Variants in RBFOX1 observed in about 807,000 individuals in gnomAD.
RBFOX1 encodes the protein RNA binding protein fox-1 homolog 1.
In RBFOX1, 8 loss-of-function variants were observed where a neutral mutation model predicts 57.7. The ratio of observed to expected loss-of-function variants is 0.14; its 90% CI spans 0.08 to 0.25. The LOEUF (loss-of-function observed/expected upper bound fraction) is 0.25, where lower values mean the gene tolerates loss of function less well. RBFOX1 is among the 10% of genes least tolerant of loss of function. RBFOX1 has a pLI of 1.00. For missense variants in RBFOX1, 611 were observed against 548.5 expected (o/e 1.11, Z -1.14); for synonymous variants, 326 against 222.4 (o/e 1.47, Z -4.15).
chr16:6,734,978 AT>A lies in RBFOX1; in HGVS notation c.-16+80337del, dbSNP rs980303718. On this transcript the variant is annotated intron_variant, in intron 3 of 15. Coordinates refer to ENST00000550418, the MANE Select transcript of RBFOX1 (RefSeq NM_018723.4). ...AACACAGTGAGACTGTGTTTCTATA[AT>A]TTTTTTTTAAAGTAGCCTGTTGTGG... 3.1e-4 allele frequency among the ~76,000 whole-genome samples: 47 copies of A among 151,872 alleles called. 2 individuals are homozygous for A. In the South Asian group the frequency reaches 9.0e-3, roughly 29 times the overall value.
At chr16:6,992,930 C>A (rs929406237) in intron 3 of RBFOX1, among the ~76,000 whole-genome samples, 2 of 151,636 alleles carry the variant, frequency 1.3e-5, no homozygotes, top group Non-Finnish European at 2.9e-5. Context: ...TAATGGATTT[C>A]ATTGTAGAAT....
chr16:7,080,215 G>A (rs1253366046), intron 4 of RBFOX1, among the ~76,000 whole-genome samples: 1 of 151,962 alleles, frequency 6.6e-6, no homozygotes, highest in Non-Finnish European at 1.5e-5. Context: ...GGAGTCACAA[G>A]AAGGGTTGAA....
chr16:5,971,409 C>G (rs999109881), intron 4 of RBFOX1, among the ~76,000 whole-genome samples: 1 of 152,234 alleles, frequency 6.6e-6, no homozygotes, highest in East Asian at 1.9e-4. Flanking sequence ...GACCATAGAT[C>G]TCAGGAGGTT....
intron 4 of RBFOX1, among the ~76,000 whole-genome samples, chr16:7,154,696 TGTGTG>T (rs2076748999): frequency 1.1e-3 from 76 of 69,082 alleles, no homozygotes; most frequent in African/African-American, 2.6e-3. Context: ...TGTGTGTGTG[TGTGTG>T]TGTGTGTGTG....
chr16:6,448,998 T>A (rs555362475), intron 2 of RBFOX1, among the ~76,000 whole-genome samples: 92 of 152,294 alleles, frequency 6.0e-4, no homozygotes, highest in Admixed American at 9.8e-4. Flanking sequence ...TATATAAACC[T>A]ACATTGAAAA....
chr16:6,447,280 G>C (rs1006722140), intron 2 of RBFOX1, among the ~76,000 whole-genome samples: 1 of 152,110 alleles, frequency 6.6e-6, no homozygotes, highest in African/African-American at 2.4e-5. Context: ...TGTGGCCATC[G>C]GTGAAAGGGA....
At chr16:6,085,954 A>G (rs751300776) in intron 1 of RBFOX1, among the ~76,000 whole-genome samples, 1 of 152,098 alleles carries the variant, frequency 6.6e-6, no homozygotes, top group Non-Finnish European at 1.5e-5. Flanking sequence ...TGCATTAGCC[A>G]TTTATCCTGA....
chr16:5,300,922 GC>G (rs2151197390), intron 1 of RBFOX1, among the ~76,000 whole-genome samples: 1 of 152,224 alleles, frequency 6.6e-6, no homozygotes, highest in South Asian at 2.1e-4. Context: ...CTTTCTGTCT[GC>G]CTGTCTGTCT....
chr16:6,746,987 C>G (rs1016717585), intron 3 of RBFOX1, among the ~76,000 whole-genome samples: 1 of 152,150 alleles, frequency 6.6e-6, no homozygotes, highest in Non-Finnish European at 1.5e-5. Context: ...AGCTATACTA[C>G]TGTGCAGATA....
chr16:5,624,032 G>A (rs2151288239), intron 3 of RBFOX1, among the ~76,000 whole-genome samples: 1 of 152,320 alleles, frequency 6.6e-6, no homozygotes, highest in East Asian at 1.9e-4. Context: ...ACAGAACTGA[G>A]AAGAGCAGGG....
chr16:7,005,736 A>G (rs918349855), intron 3 of RBFOX1, among the ~76,000 whole-genome samples: 2 of 152,196 alleles, frequency 1.3e-5, no homozygotes, highest in Non-Finnish European at 2.9e-5. Context: ...CCGCTAGGTG[A>G]TCATGTCTGA....
chr16:5,832,841 T>G (rs551715145), intron 3 of RBFOX1, among the ~76,000 whole-genome samples: 3 of 151,934 alleles, frequency 2.0e-5, no homozygotes, highest in Non-Finnish European at 4.4e-5. Flanking sequence ...GAGCAAAGAG[T>G]GTACATCTAG....
intron 9 of RBFOX1, among the ~76,000 whole-genome samples, chr16:7,598,699 A>G (rs1236756423): frequency 6.6e-6 from 1 of 152,170 alleles, no homozygotes; most frequent in African/African-American, 2.4e-5. Flanking sequence ...ATACATTTTT[A>G]TGTGAATGAT....
intron 4 of RBFOX1, among the ~76,000 whole-genome samples, chr16:5,876,625 T>G (rs1228715952): frequency 6.6e-6 from 1 of 152,204 alleles, no homozygotes; most frequent in African/African-American, 2.4e-5. Context: ...ATTTTTTGAG[T>G]GTTCTGTGAT....
chr16:6,462,112 C>G (rs1054066339), intron 2 of RBFOX1, among the ~76,000 whole-genome samples: 1 of 152,152 alleles, frequency 6.6e-6, no homozygotes, highest in African/African-American at 2.4e-5. Flanking sequence ...TTTATAAAAT[C>G]CTTATATTAG....
At chr16:7,222,335 G>A (rs186917958) in intron 4 of RBFOX1, among the ~76,000 whole-genome samples, 18 of 152,312 alleles carry the variant, frequency 1.2e-4, no homozygotes, top group African/African-American at 3.6e-4. Context: ...TCTCATGTTG[G>A]CTATATAGGT....
At chr16:6,777,331 A>G (rs2079545259) in intron 3 of RBFOX1, among the ~76,000 whole-genome samples, 2 of 152,122 alleles carry the variant, frequency 1.3e-5, no homozygotes, top group South Asian at 2.1e-4. Flanking sequence ...TTGCTCCTAT[A>G]CCTAGTGGAT....
rs551764711 is a variant in RBFOX1 at position 6,787,553 on chromosome 16, C to T, written c.-16+132903C>T. Among the ~76,000 whole-genome samples, 12 of 152,198 alleles carry T rather than the reference C, an allele frequency of 7.9e-5. No individual in the cohort carries two copies. The South Asian group carries it at 2.5e-3, about 32-fold the overall frequency. On this transcript the variant is annotated intron_variant, in intron 3 of 15. Coordinates refer to ENST00000550418, the MANE Select transcript of RBFOX1 (RefSeq NM_018723.4). ...GGGTGTAAACTGTATTAATTTGTGC[C>T]AATTCCAGATTTAGCCGTAAATCAC...
intron 4 of RBFOX1, among the ~76,000 whole-genome samples, chr16:7,149,439 G>T (rs1198723125): frequency 1.3e-5 from 2 of 151,150 alleles, no homozygotes; most frequent in African/African-American, 4.9e-5. Flanking sequence ...TTCATGGATT[G>T]GTGCAAGCTT....
Sources: allele counts gnomAD v4.1 joint callset (sites outside exome capture counted in the v4.1 genomes callset), GRCh38; gene constraint gnomAD v4.1.1; transcripts MANE v1.5; gene names NCBI Gene and HGNC (gene_info 2026-07-23, HGNC 2026-07-21).